Variants in NECAB2 observed in about 807,000 individuals in gnomAD.
The protein encoded by NECAB2 is N-terminal EF-hand calcium-binding protein 2.
In NECAB2, 68 loss-of-function variants were observed where a neutral mutation model predicts 51.9. That is an observed-to-expected ratio of 1.31 (90% CI 1.08 to 1.60). NECAB2 has a LOEUF of 1.60. Among genes scored for constraint, NECAB2 ranks in the 40% most tolerant of loss-of-function variants. NECAB2 has a pLI of 0.00. For missense variants in NECAB2, 854 were observed against 490.3 expected (o/e 1.74, Z -7.00); for synonymous variants, 329 against 203.5 (o/e 1.62, Z -5.25).
At chr16:83,973,713 G>C (rs535929324) in intron 2 of NECAB2, among the ~76,000 whole-genome samples, 2 of 152,160 alleles carry the variant, frequency 1.3e-5, no homozygotes, top group Admixed American at 1.3e-4. Context: ...CCCTTGTCCC[G>C]GGCCTGATAC....
chr16:83,994,281 G>A, intron 6 of NECAB2, 21 bp from the exon 7 acceptor site: 4 of 1,611,892 alleles, frequency 2.5e-6, no homozygotes, highest in Non-Finnish European at 3.4e-6. Context: ...TGGTCTGTGT[G>A]TGTTCCCATC....
intron 5 of NECAB2, 31 bp downstream of exon 5, chr16:83,981,158 A>C (rs1489231145): frequency 6.3e-7 from 1 of 1,578,924 alleles, no homozygotes; most frequent in Non-Finnish European, 8.7e-7. Flanking sequence ...CCCGGGGTCC[A>C]GGGCTCCAGT....
At position 83,971,873 on chromosome 16, in the gene NECAB2, G is replaced by T. The variant is rs1179669891; in HGVS notation, c.202-278G>T. The T allele has an allele frequency of 5.2e-6, 3 of 581,528 alleles. No individual in the cohort carries two copies. In the African/African-American group the frequency reaches 5.6e-5, roughly 11 times the overall value. The allele number at this position is 581,528 out of a possible 1,614,324, so 36.0% of individuals were successfully genotyped here. On this transcript the variant is annotated intron_variant, in intron 1 of 12. Coordinates refer to ENST00000305202, the MANE Select transcript of NECAB2 (RefSeq NM_019065.3). ...CTGTGGACCTACACCTGCAGGGATG[G>T]CCGTGGGCCTGCGTGTGTGTGTCAG...
Position 83,981,532 on chromosome 16 carries a change from C to G in NECAB2, c.459+405C>G, listed in dbSNP as rs190295622. 2.3e-4 allele frequency among the ~76,000 whole-genome samples: 35 copies of G among 152,192 alleles called. 1 individual carries two copies. The highest frequency in any genetic ancestry group is 6.2e-4 in the South Asian group (3 of 4,824). On this transcript the variant is annotated intron_variant, in intron 5 of 12. Coordinates refer to ENST00000305202, the MANE Select transcript of NECAB2 (RefSeq NM_019065.3). ...TGAACCCTGTCCCATATCAGGTTCT[C>G]GATGCTCAGCACCTGGTTTAATCCT... is the stretch of plus-strand genomic sequence containing the variant.
In NECAB2 at chr16:83,968,475, G is replaced by T. The variant is rs1244882390; in HGVS notation, c.-174G>T. On this transcript the variant is annotated 5_prime_UTR_variant, in exon 1 of 13. Coordinates refer to ENST00000305202, the MANE Select transcript of NECAB2 (RefSeq NM_019065.3). ...GCGGGGAGCGGGCACGTGGCTCGGG[G>T]TCCGGCCGGCCCGCCCCCCGGCGCC... Among the ~76,000 whole-genome samples, 2 of 145,274 alleles carry T rather than the reference G, an allele frequency of 1.4e-5. No homozygotes were observed. Among genetic ancestry groups the T allele is most frequent in the South Asian group, 2.1e-4 (1 of 4,798 alleles).
At chr16:83,978,980 C>G (rs1401097388) in intron 3 of NECAB2, among the ~76,000 whole-genome samples, 1 of 152,154 alleles carries the variant, frequency 6.6e-6, no homozygotes, top group African/African-American at 2.4e-5. Flanking sequence ...AAACCAAACA[C>G]GAATCCTAAC....
intron 2 of NECAB2, among the ~76,000 whole-genome samples, chr16:83,977,303 G>C (rs915289172): frequency 5.3e-5 from 8 of 152,110 alleles, no homozygotes; most frequent in African/African-American, 1.9e-4. Flanking sequence ...TCCTTGAGGA[G>C]GGGGGAGGTG....
chr16:83,989,377 G>A (rs1359708449), intron 5 of NECAB2, among the ~76,000 whole-genome samples: 1 of 152,196 alleles, frequency 6.6e-6, no homozygotes, highest in Non-Finnish European at 1.5e-5. Flanking sequence ...GTCTTCTCAT[G>A]TGCCCCTCCT....
intron 5 of NECAB2, among the ~76,000 whole-genome samples, chr16:83,985,946 G>C (rs1027729629): frequency 1.3e-5 from 2 of 152,104 alleles, no homozygotes; most frequent in African/African-American, 4.8e-5. Flanking sequence ...GCTGCTAAGA[G>C]GTACTTTTTT....
chr16:83,980,312 G>A (rs1389065837), intron 3 of NECAB2, among the ~76,000 whole-genome samples: 1 of 152,168 alleles, frequency 6.6e-6, no homozygotes, highest in Non-Finnish European at 1.5e-5. Context: ...TGCCATGGGG[G>A]ATAGGCTCAT....
rs112625688 is a variant in NECAB2, at chr16:83,998,443, G to C, written c.962+126G>C. 1.8e-4 allele frequency: 158 copies of C among 863,012 alleles called. 1 individual carries two copies. In the African/African-American group the frequency reaches 2.3e-3, roughly 13 times the overall value. 53.5% of individuals were successfully genotyped at this position (863,012 alleles called of 1,614,324 possible). On this transcript the variant is annotated intron_variant, in intron 10 of 12. Transcript: ENST00000305202. ...TGCACCCCAGGGACACACACAGCTG[G>C]ATGCGTAAGAAGTGGGTTCAGGTCT...
At chr16:84,002,124 A>C (rs548496082) in intron 12 of NECAB2, among the ~76,000 whole-genome samples, 194 bp from the exon 13 acceptor site, 3 of 152,016 alleles carry the variant, frequency 2.0e-5, no homozygotes, top group Admixed American at 6.5e-5. Flanking sequence ...CACCCCCTCC[A>C]CGGCCCCCTA....
chr16:83,987,656 A>G (rs2084572754), intron 5 of NECAB2, among the ~76,000 whole-genome samples: 1 of 152,212 alleles, frequency 6.6e-6, no homozygotes, highest in Non-Finnish European at 1.5e-5. Flanking sequence ...AGCATCATTT[A>G]AAATATTTTA....
upstream of NECAB2, among the ~76,000 whole-genome samples, chr16:83,966,731 G>A (rs371621770): frequency 7.9e-5 from 12 of 152,152 alleles, no homozygotes; most frequent in East Asian, 5.8e-4. Context: ...ACAGTTTCCC[G>A]CCTTTCTTTA....
intron 1 of NECAB2, among the ~76,000 whole-genome samples, chr16:83,970,342 C>T (rs2084334686): frequency 6.6e-6 from 1 of 152,200 alleles, no homozygotes; most frequent in Non-Finnish European, 1.5e-5. Context: ...CAAGGGGGAT[C>T]TGGGACACCC....
chr16:83,984,589 G>C (rs1359310636), intron 5 of NECAB2, among the ~76,000 whole-genome samples: 1 of 152,046 alleles, frequency 6.6e-6, no homozygotes, highest in Non-Finnish European at 1.5e-5. Flanking sequence ...AATTAGCCGA[G>C]CATGGTGGGA....
intron 2 of NECAB2, among the ~76,000 whole-genome samples, chr16:83,977,683 C>T (rs1011182141): frequency 6.6e-6 from 1 of 152,194 alleles, no homozygotes; most frequent in African/African-American, 2.4e-5. Flanking sequence ...CTCCTTCCTG[C>T]ATGGCTTGGC....
At chr16:83,990,214 C>G (rs1048105467) in intron 5 of NECAB2, among the ~76,000 whole-genome samples, 3 of 152,192 alleles carry the variant, frequency 2.0e-5, no homozygotes, top group African/African-American at 4.8e-5. Flanking sequence ...TTCGCTACAA[C>G]CTTGTAAGAT....
chr16:84,000,248 A>T (rs745530804), intron 10 of NECAB2, among the ~76,000 whole-genome samples: 1 of 152,198 alleles, frequency 6.6e-6, no homozygotes, highest in Non-Finnish European at 1.5e-5. Flanking sequence ...ATGACATTTC[A>T]GCTGGGCACA....
Sources: gnomAD v4.1 joint callset for allele counts (sites outside exome capture counted in the v4.1 genomes callset) on GRCh38, gnomAD v4.1.1 for gene constraint, MANE v1.5 for transcripts, NCBI Gene and HGNC (gene_info 2026-07-23, HGNC 2026-07-21) for gene names.